PRPSAP2: variants seen among roughly 807,000 people sequenced by gnomAD.
PRPSAP2 encodes the protein phosphoribosyl pyrophosphate synthase-associated protein 2.
Under a neutral mutation model 40.6 loss-of-function variants are expected in PRPSAP2, and 24 were observed. The ratio of observed to expected loss-of-function variants is 0.59; its 90% CI spans 0.43 to 0.83. The LOEUF (loss-of-function observed/expected upper bound fraction) is 0.83, where lower values mean the gene tolerates loss of function less well. PRPSAP2 is among the 40% of genes least tolerant of loss of function. PRPSAP2 has a pLI of 0.00. For missense variants in PRPSAP2, 292 were observed against 465.6 expected, an observed-to-expected ratio of 0.63 and a Z score of 3.43; for synonymous variants, 149 against 164.7, an observed-to-expected ratio of 0.90 and a Z score of 0.73.
intron 10 of PRPSAP2, chr17:18,928,566 T>G: frequency 2.0e-6 from 1 of 490,120 alleles, no homozygotes; most frequent in South Asian, 1.9e-5. Flanking sequence ...CCTGGGAGCC[T>G]GGAGTGTGGT....
At chr17:18,900,314 G>T (rs1276344082) in intron 8 of PRPSAP2, among the ~76,000 whole-genome samples, 1 of 152,196 alleles carries the variant, frequency 6.6e-6, no homozygotes, top group Non-Finnish European at 1.5e-5. Context: ...GAGACACTAC[G>T]CCTGGCCTTG....
Position 18,910,700 on chromosome 17 carries a change from A to G in PRPSAP2, c.585-403A>G, listed in dbSNP as rs138315424. Among the ~76,000 whole-genome samples, 140 of 152,336 alleles carry G rather than the reference A, an allele frequency of 9.2e-4. 1 individual carries two copies. Among genetic ancestry groups the G allele is most frequent in the Middle Eastern group, 3.4e-3 (1 of 294 alleles). On this transcript the variant is annotated intron_variant, in intron 8 of 11. Transcript: ENST00000268835. ...ATCTCAGTTTTACCTCCCTAAAACT[A>G]TTAAGAAATTTGTGCTTAATACTTT...
chr17:18,897,962 A>G (rs185771527), intron 8 of PRPSAP2, among the ~76,000 whole-genome samples: 219 of 143,386 alleles, frequency 1.5e-3, no homozygotes, highest in African/African-American at 5.2e-3. Context: ...ACATACATTT[A>G]TAGCAGTATC....
At chr17:18,924,627 A>C (rs2151972611) in intron 10 of PRPSAP2, among the ~76,000 whole-genome samples, 1 of 151,662 alleles carries the variant, frequency 6.6e-6, no homozygotes, top group East Asian at 2.0e-4. Flanking sequence ...AAATTAGCTG[A>C]ACTTGGTGGC....
At chr17:18,930,425 A>G in intron 11 of PRPSAP2, 115 bp from the exon 12 acceptor site, 1 of 895,340 alleles carries the variant, frequency 1.1e-6, no homozygotes, top group East Asian at 2.5e-5. Flanking sequence ...ACATAGATCC[A>G]CTGTGTTTTC....
intron 8 of PRPSAP2, chr17:18,904,351 T>C (rs2040452289): frequency 6.6e-6 from 1 of 152,194 alleles, no homozygotes; most frequent in African/African-American, 2.4e-5. Context: ...ACCTCCTGGA[T>C]TCAAGCGATT....
chr17:18,860,954 A>G (rs2036962430), intron 1 of PRPSAP2, among the ~76,000 whole-genome samples: 1 of 152,140 alleles, frequency 6.6e-6, no homozygotes, highest in African/African-American at 2.4e-5. Flanking sequence ...CACACATTCT[A>G]GAGTAAATTT....
intron 7 of PRPSAP2, among the ~76,000 whole-genome samples, chr17:18,885,424 A>T (rs1011779804): frequency 6.7e-6 from 1 of 150,120 alleles, no homozygotes; most frequent in Admixed American, 6.7e-5. Context: ...AAAAAAAAAA[A>T]AAAAATTAAT....
At chr17:18,896,580 CTT>C (rs58391876) in intron 8 of PRPSAP2, among the ~76,000 whole-genome samples, 4 of 104,752 alleles carry the variant, frequency 3.8e-5, no homozygotes, top group Non-Finnish European at 5.5e-5. Flanking sequence ...CCAGATTTTC[CTT>C]TTTTTTTTTT....
chr17:18,901,344 G>T (rs2040255291), intron 8 of PRPSAP2, among the ~76,000 whole-genome samples: 1 of 151,930 alleles, frequency 6.6e-6, no homozygotes, highest in Admixed American at 6.6e-5. Flanking sequence ...AGGTCCTGAG[G>T]TCCCTTGCTA....
intron 8 of PRPSAP2, among the ~76,000 whole-genome samples, chr17:18,902,928 C>T (rs1199409711): frequency 6.6e-6 from 1 of 150,384 alleles, no homozygotes; most frequent in Non-Finnish European, 1.5e-5. Flanking sequence ...CAGTCTTTAC[C>T]GAGTACATAT....
intron 5 of PRPSAP2, among the ~76,000 whole-genome samples, chr17:18,877,341 G>C (rs2038372540): frequency 6.6e-6 from 1 of 152,164 alleles, no homozygotes; most frequent in Non-Finnish European, 1.5e-5. Flanking sequence ...GGAGGCAGGA[G>C]AGGAGAGAGA....
chr17:18,869,270 T>C (rs2037661820), intron 4 of PRPSAP2, among the ~76,000 whole-genome samples: 1 of 152,158 alleles, frequency 6.6e-6, no homozygotes, highest in Non-Finnish European at 1.5e-5. Context: ...CAGGGATTGA[T>C]GTTAGGTACG....
chr17:18,881,190 T>A (rs113312556), intron 6 of PRPSAP2, among the ~76,000 whole-genome samples: 10,825 of 147,098 alleles, frequency 0.074, 409 homozygotes, highest in Admixed American at 0.099. Flanking sequence ...AAAAAAAAAT[T>A]TTTTTTGAAA....
chr17:18,926,809 T>C (rs1489626475), intron 10 of PRPSAP2, among the ~76,000 whole-genome samples: 2 of 151,854 alleles, frequency 1.3e-5, no homozygotes, highest in Non-Finnish European at 2.9e-5. Context: ...TGTGTTTGTG[T>C]TTGTGAATGC....
At chr17:18,867,405 C>G in intron 4 of PRPSAP2, 71 bp downstream of exon 4, 1 of 1,517,278 alleles carries the variant, frequency 6.6e-7, no homozygotes, top group African/African-American at 1.4e-5. Context: ...GTCCTTCATC[C>G]TTTACTATTG....
intron 9 of PRPSAP2, among the ~76,000 whole-genome samples, chr17:18,922,340 C>T (rs1190732474): frequency 6.6e-6 from 1 of 152,148 alleles, no homozygotes; most frequent in African/African-American, 2.4e-5. Context: ...GTATGTTTAA[C>T]TTTTTGAGGA....
chr17:18,911,328 C>A lies in PRPSAP2; in HGVS notation c.733+77C>A. The A allele has an allele frequency of 7.5e-7, 1 of 1,337,124 alleles. No individual in the cohort carries two copies. The allele number at this position is 1,337,124 out of a possible 1,614,324, so 82.8% of individuals were successfully genotyped here. On this transcript the variant is annotated intron_variant, in intron 9 of 11. Transcript: ENST00000268835. This position sits in a 1 kb window ranked among gnomAD's most constrained non-coding sequence, Gnocchi z 4.5. ...ACACTGTTGTCTGTGTGGTTTTTTT[C>A]CTCATTCTTCGTTTTTTTTTAGTTG...
chr17:18,857,784 A>T (rs1361186191), upstream of PRPSAP2: 3 of 152,180 alleles, frequency 2.0e-5, no homozygotes, highest in Admixed American at 2.0e-4. Context: ...TGTTTTTCAG[A>T]TGAGGAAACA....
Sources: allele counts gnomAD v4.1 joint callset (sites outside exome capture counted in the v4.1 genomes callset), GRCh38; gene constraint gnomAD v4.1.1; non-coding constraint Gnocchi (gnomAD v3.1); transcripts MANE v1.5; gene names NCBI Gene and HGNC (gene_info 2026-07-23, HGNC 2026-07-21).